AMBRA1: variants seen among roughly 807,000 people sequenced by gnomAD.
The protein encoded by AMBRA1 is activating molecule in BECN1-regulated autophagy protein 1.
AMBRA1 carries 47 observed loss-of-function variants against 125.4 expected under a neutral mutation model. The observed-to-expected ratio is 0.37, with a 90% confidence interval of 0.30 to 0.48. The LOEUF is 0.48. Among genes scored for constraint, AMBRA1 ranks in the 20% least tolerant of loss-of-function variants. AMBRA1 has a pLI of 0.99. For synonymous variants in AMBRA1, 626 were observed against 655.5 expected, an observed-to-expected ratio of 0.95 and a Z score of 0.69; for missense variants, 1,331 against 1,693.4, an observed-to-expected ratio of 0.79 and a Z score of 3.76.
intron 16 of AMBRA1, 108 bp downstream of exon 16, chr11:46,410,168 T>G: frequency 1.1e-6 from 1 of 946,028 alleles, no homozygotes; most frequent in Non-Finnish European, 1.7e-6. Flanking sequence ...GCTGCTCTGG[T>G]TGAGGAGGGA....
At chr11:46,533,253 A>T (rs2135136716) in intron 7 of AMBRA1, among the ~76,000 whole-genome samples, 1 of 148,724 alleles carries the variant, frequency 6.7e-6, no homozygotes, top group East Asian at 1.9e-4. Flanking sequence ...ACACACACAC[A>T]AATTGTTAAT....
chr11:46,589,344 C>A (rs1219544172), intron 1 of AMBRA1, among the ~76,000 whole-genome samples: 1 of 152,118 alleles, frequency 6.6e-6, no homozygotes, highest in Non-Finnish European at 1.5e-5. Context: ...CAGGCTGTAC[C>A]ACAGCATTTC....
At chr11:46,473,036 A>G (rs1949666019) in intron 11 of AMBRA1, among the ~76,000 whole-genome samples, 2 of 152,270 alleles carry the variant, frequency 1.3e-5, no homozygotes, top group Admixed American at 1.3e-4. Context: ...ATCAAAACTT[A>G]TTGGCATACA....
At position 46,579,349 on chromosome 11, in the gene AMBRA1, C is replaced by T. The variant is rs368265608; in HGVS notation, c.-121+14479G>A. The stretch of plus-strand genomic sequence containing the variant: ...GTGCATGCCTGTAATCCCAGCTACT[C>T]GGGAGGCTGAGGCAGAAGAATCACT... On this transcript the variant is annotated intron_variant, in intron 1 of 17. Coordinates refer to ENST00000683756, the MANE Select transcript of AMBRA1 (RefSeq NM_001387011.1). Among the ~76,000 whole-genome samples, 20 of 151,780 alleles carry T rather than the reference C, an allele frequency of 1.3e-4. 1 individual carries two copies. Among genetic ancestry groups the T allele is most frequent in the Admixed American group, 6.6e-4 (10 of 15,206 alleles).
intron 1 of AMBRA1, among the ~76,000 whole-genome samples, chr11:46,560,596 G>C (rs989689708): frequency 6.6e-5 from 10 of 152,092 alleles, no homozygotes; most frequent in Non-Finnish European, 1.5e-4. Flanking sequence ...AAAAGAAACG[G>C]AAGTTTTATC....
chr11:46,444,317 A>C (rs1160826941), intron 11 of AMBRA1, among the ~76,000 whole-genome samples: 1 of 152,146 alleles, frequency 6.6e-6, no homozygotes, highest in African/African-American at 2.4e-5. Context: ...TAACATCTCC[A>C]GGTTTAACTT....
chr11:46,547,076 A>C (rs762540889), intron 4 of AMBRA1, 37 bp downstream of exon 4: 2 of 1,556,044 alleles, frequency 1.3e-6, no homozygotes, highest in East Asian at 2.3e-5. Context: ...AAAAATTAGA[A>C]CACCAAAAGA....
chr11:46,547,458 G>C (rs934582434), intron 3 of AMBRA1, 162 bp from the exon 4 acceptor site: 14 of 654,490 alleles, frequency 2.1e-5, no homozygotes, highest in Admixed American at 3.3e-5. Context: ...GAAATATTCT[G>C]ATCTTTAAAA....
chr11:46,404,215 C>A (rs1359076112), intron 17 of AMBRA1, among the ~76,000 whole-genome samples: 1 of 152,140 alleles, frequency 6.6e-6, no homozygotes, highest in Non-Finnish European at 1.5e-5. Context: ...ATAAATAAAT[C>A]TTGGTGCCTG....
intron 1 of AMBRA1, among the ~76,000 whole-genome samples, chr11:46,580,367 T>C (rs994480795): frequency 1.3e-5 from 2 of 152,164 alleles, no homozygotes; most frequent in African/African-American, 4.8e-5. Flanking sequence ...AGCGCTACTT[T>C]TGTGAATCAG....
chr11:46,549,809 G>C (rs2042934769), intron 1 of AMBRA1, among the ~76,000 whole-genome samples: 4 of 151,578 alleles, frequency 2.6e-5, no homozygotes, highest in Admixed American at 2.6e-4. Flanking sequence ...TGTGACACTA[G>C]CTTTTCTTTC....
At chr11:46,478,007 G>A (rs1330867750) in intron 11 of AMBRA1, among the ~76,000 whole-genome samples, 2 of 151,656 alleles carry the variant, frequency 1.3e-5, no homozygotes, top group Non-Finnish European at 2.9e-5. Context: ...AGAAGCACAG[G>A]TTAGTTTACT....
chr11:46,512,922 C>T lies in AMBRA1; in HGVS notation c.2073-109G>A, dbSNP rs186657859. The stretch of plus-strand genomic sequence containing the variant: ...TATAACTTTCCCCTTTTGCAGCCAG[C>T]TAACGCCTGTTATCTGGGATCACAC... On this transcript the variant is annotated intron_variant, in intron 7 of 17. Coordinates refer to ENST00000683756, the MANE Select transcript of AMBRA1 (RefSeq NM_001387011.1). 2.9e-3 allele frequency: 2,726 copies of T among 927,814 alleles called. 10 individuals are homozygous for T. The highest frequency in any genetic ancestry group is 3.9e-3 in the Non-Finnish European group (2,443 of 626,028). 57.5% of individuals were successfully genotyped at this position (927,814 alleles called of 1,614,324 possible).
chr11:46,563,594 C>CT (rs1315771040), intron 1 of AMBRA1, among the ~76,000 whole-genome samples: 1 of 152,084 alleles, frequency 6.6e-6, no homozygotes, highest in Non-Finnish European at 1.5e-5. Flanking sequence ...AATTCCAGAA[C>CT]TTTAGGAAAC....
At chr11:46,561,449 A>G (rs961878697) in intron 1 of AMBRA1, among the ~76,000 whole-genome samples, 5 of 152,202 alleles carry the variant, frequency 3.3e-5, no homozygotes, top group South Asian at 2.1e-4. Context: ...AGGAATCTTC[A>G]CAAGTCCTAG....
Position 46,458,225 on chromosome 11 carries a change from A to G in AMBRA1, c.2522-14627T>C, listed in dbSNP as rs1193074750. Reference sequence around the variant, plus strand: ...GTGTTCAAACATTAACACCAGGAACACAGTGGAAAAGCAATATTAGCAAGC... The same window carrying G: ...GTGTTCAAACATTAACACCAGGAACGCAGTGGAAAAGCAATATTAGCAAGC... On this transcript the variant is annotated intron_variant, in intron 11 of 17. Transcript: ENST00000683756. Among the ~76,000 whole-genome samples the G allele has an allele frequency of 2.6e-5, 4 of 152,218 alleles. No individual in the cohort carries two copies. In the East Asian group the frequency reaches 7.7e-4, roughly 29 times the overall value.
intron 11 of AMBRA1, among the ~76,000 whole-genome samples, chr11:46,462,017 T>TC (rs1257614935): frequency 1.3e-5 from 2 of 152,178 alleles, no homozygotes; most frequent in African/African-American, 2.4e-5. Flanking sequence ...TTTACTAAAA[T>TC]CCCCTTCATC....
chr11:46,571,210 CA>C (rs2043744915), intron 1 of AMBRA1, among the ~76,000 whole-genome samples: 1 of 152,184 alleles, frequency 6.6e-6, no homozygotes, highest in Admixed American at 6.5e-5. Flanking sequence ...ACAAATCACT[CA>C]GTAAGTATGA....
rs1440849027 is a variant in AMBRA1, at chr11:46,397,590, G to A, written c.3757C>T (p.Pro1253Ser). ...GGAAGGGAAACAGGAATGGGGACAG[G>A]GGAGGAAGAGGGCAGGGTTGGCTGG... ...PTQPTLPSSS[P>S]VPIPVSLPSA... Residue 1253 changes from proline (P) to serine (S), a missense_variant, in exon 18 of 18, where the codon CCT becomes TCT. By Grantham distance (74) the Pro-to-Ser change is moderately conservative. Coordinates refer to ENST00000683756, the MANE Select transcript of AMBRA1 (RefSeq NM_001387011.1). 15 of 1,601,910 alleles carry A rather than the reference G, an allele frequency of 9.4e-6. No individual in the cohort carries two copies. Among genetic ancestry groups the A allele is most frequent in the Non-Finnish European group, 1.3e-5 (15 of 1,173,070 alleles).
Sources: allele counts gnomAD v4.1 joint callset (sites outside exome capture counted in the v4.1 genomes callset), GRCh38; gene constraint gnomAD v4.1.1; transcripts MANE v1.5; gene names NCBI Gene and HGNC (gene_info 2026-07-23, HGNC 2026-07-21).